The following MYO9A variants were observed in gnomAD, a reference collection of about 807,000 sequenced individuals.
The protein encoded by MYO9A is unconventional myosin-IXa.
A neutral mutation model predicts 293.3 loss-of-function variants in MYO9A; 103 were observed. The ratio of observed to expected loss-of-function variants is 0.35; its 90% CI spans 0.30 to 0.41. The LOEUF (loss-of-function observed/expected upper bound fraction) is 0.41, where lower values mean the gene tolerates loss of function less well. MYO9A is among the 10% of genes least tolerant of loss of function. The pLI is 1.00. For missense variants in MYO9A, 2,685 were observed against 3,033.0 expected, an observed-to-expected ratio of 0.89 and a Z score of 2.69; for synonymous variants, 1,001 against 1,035.7, an observed-to-expected ratio of 0.97 and a Z score of 0.64.
intron 39 of MYO9A, among the ~76,000 whole-genome samples, chr15:71,835,098 C>CT (rs2054886337): frequency 6.6e-6 from 1 of 152,076 alleles, no homozygotes; most frequent in African/African-American, 2.4e-5. Flanking sequence ...TAAAATTCAA[C>CT]ATTCTGTCAC....
intron 12 of MYO9A, among the ~76,000 whole-genome samples, chr15:71,970,735 TA>T (rs1177766862): frequency 6.6e-6 from 1 of 152,198 alleles, no homozygotes. Context: ...GAAATTACAT[TA>T]ATTGTTAAAG....
chr15:72,020,873 T>C (rs999233549), intron 5 of MYO9A, 45 bp downstream of exon 5: 4 of 1,209,726 alleles, frequency 3.3e-6, no homozygotes, highest in Admixed American at 2.9e-5. Context: ...AAGCATTAAA[T>C]TTAATACTGC....
At chr15:71,885,369 TTTTTAAAA>T (rs1278734767) in intron 27 of MYO9A, among the ~76,000 whole-genome samples, 3 of 152,136 alleles carry the variant, frequency 2.0e-5, no homozygotes, top group Non-Finnish European at 4.4e-5. Context: ...TTCTAGAGGA[TTTTTAAAA>T]TTTGCTCATG....
intron 9 of MYO9A, among the ~76,000 whole-genome samples, chr15:71,999,589 C>A (rs1254870062): frequency 6.6e-6 from 1 of 152,084 alleles, no homozygotes; most frequent in African/African-American, 2.4e-5. Context: ...CTATCTACCC[C>A]ACATTAGTAA....
At chr15:72,032,319 T>C (rs568042698) in intron 3 of MYO9A, among the ~76,000 whole-genome samples, 175 bp downstream of exon 3, 18 of 152,324 alleles carry the variant, frequency 1.2e-4, no homozygotes, top group African/African-American at 4.1e-4. Context: ...ACTGTTACAT[T>C]GGTGTTAAAA....
At chr15:72,022,051 C>T (rs1317681989) in intron 4 of MYO9A, among the ~76,000 whole-genome samples, 1 of 152,042 alleles carries the variant, frequency 6.6e-6, no homozygotes, top group Non-Finnish European at 1.5e-5. Context: ...TATTACCTGA[C>T]ATCTAAGTTA....
At chr15:71,917,551 A>G (rs2144821891) in intron 18 of MYO9A, among the ~76,000 whole-genome samples, 1 of 152,220 alleles carries the variant, frequency 6.6e-6, no homozygotes, top group African/African-American at 2.4e-5. Context: ...AAAACAAAAA[A>G]ACCAAAGCAT....
chr15:72,007,554 T>C (rs540164902), intron 8 of MYO9A, among the ~76,000 whole-genome samples: 2 of 152,254 alleles, frequency 1.3e-5, no homozygotes, highest in South Asian at 4.1e-4. Flanking sequence ...GAAATATTCA[T>C]CCTATCCAGC....
chr15:71,933,848 T>C, intron 17 of MYO9A, 139 bp from the exon 18 acceptor site: 2 of 715,454 alleles, frequency 2.8e-6, no homozygotes, highest in Non-Finnish European at 4.8e-6. Context: ...GTTCTTTATA[T>C]GAAAACACTA....
intron 18 of MYO9A, 95 bp from the exon 19 acceptor site, chr15:71,916,587 C>T (rs1035143869): frequency 3.4e-6 from 4 of 1,186,148 alleles, no homozygotes; most frequent in Non-Finnish European, 4.7e-6. Flanking sequence ...TCTATATGAC[C>T]ATTTCCCATC....
At chr15:71,827,831 A>C in intron 41 of MYO9A, 53 bp downstream of exon 41, 1 of 1,554,066 alleles carries the variant, frequency 6.4e-7, no homozygotes, top group Non-Finnish European at 8.7e-7. Context: ...TGGAATCTTT[A>C]TTCCTCCTTT....
intron 1 of MYO9A, among the ~76,000 whole-genome samples, chr15:72,101,643 G>C (rs1373766734): frequency 7.2e-6 from 1 of 138,446 alleles, no homozygotes; most frequent in Non-Finnish European, 1.6e-5. Flanking sequence ...AGGGAGGTGG[G>C]GGGGTCAGGC....
chr15:71,850,883 A>G (rs767836451), intron 37 of MYO9A, among the ~76,000 whole-genome samples: 5 of 151,420 alleles, frequency 3.3e-5, no homozygotes, highest in Non-Finnish European at 7.4e-5. Flanking sequence ...AGGGGAAGAG[A>G]CACTACTCCT....
At chr15:71,892,730 A>G in intron 26 of MYO9A, 1 of 246,114 alleles carries the variant, frequency 4.1e-6, no homozygotes, top group Non-Finnish European at 8.0e-6. Context: ...CAACATGGAA[A>G]ATTTCTACAT....
chr15:72,099,463 C>T, intron 1 of MYO9A, among the ~76,000 whole-genome samples: 1 of 148,012 alleles, frequency 6.8e-6, no homozygotes, highest in Non-Finnish European at 1.5e-5. Flanking sequence ...TTAGCCAGGT[C>T]TAGTGACACA....
At chr15:72,116,090 T>A (rs919854139) in intron 1 of MYO9A, among the ~76,000 whole-genome samples, 2 of 152,192 alleles carry the variant, frequency 1.3e-5, no homozygotes, top group African/African-American at 4.8e-5. Context: ...ATGTGTAGGT[T>A]TATATATTGG....
chr15:71,960,060 C>T lies in MYO9A; in HGVS notation c.2023G>A (p.Asp675Asn). 6.2e-7 allele frequency: 1 copy of T among 1,613,946 alleles called. No individual in the cohort carries two copies. Among genetic ancestry groups the T allele is most frequent in the Non-Finnish European group, 8.5e-7 (1 of 1,179,956 alleles). Residue 675 changes from aspartate to asparagine, a missense_variant, in exon 14 of 42, where the codon GAC becomes AAC. Asp to Asn is a conservative substitution (Grantham distance 23). Coordinates refer to ENST00000356056, the MANE Select transcript of MYO9A (RefSeq NM_006901.4). Reference protein sequence around the residue: ...REKNTDHMRPDIVALLRSSKN... With the variant: ...REKNTDHMRPNIVALLRSSKN... ...CTGCTTCTCAGAAGAGCTACAATGT[C>T]TGGGCGCATATGATCTGTATTTTTT...
rs993510782 is a variant in MYO9A at position 71,823,100 on chromosome 15, G to T, written c.*3480C>A. On this transcript the variant is annotated 3_prime_UTR_variant, in exon 42 of 42. Coordinates refer to ENST00000356056, the MANE Select transcript of MYO9A (RefSeq NM_006901.4). ...CCCGCATCCAGCTTCCCACCAAGAAGAAAAAAGAGAGGAGGATGAGGAAAG... is the reference window on the plus strand; with the variant it reads ...CCCGCATCCAGCTTCCCACCAAGAATAAAAAAGAGAGGAGGATGAGGAAAG... 6.6e-6 allele frequency: 1 copy of T among 151,774 alleles called. No homozygotes were observed. The highest frequency in any genetic ancestry group is 2.4e-5 in the African/African-American group (1 of 41,328). The allele number at this position is 151,774 out of a possible 1,614,324, so 9.4% of individuals were successfully genotyped here.
At chr15:71,962,100 G>A (rs559325770) in intron 13 of MYO9A, among the ~76,000 whole-genome samples, 1 of 152,262 alleles carries the variant, frequency 6.6e-6, no homozygotes, top group Admixed American at 6.5e-5. Context: ...AACAGAGGTT[G>A]GAGGAGCTAG....
Sources: gnomAD v4.1 joint callset for allele counts (sites outside exome capture counted in the v4.1 genomes callset) on GRCh38, gnomAD v4.1.1 for gene constraint, MANE v1.5 for transcripts, NCBI Gene and HGNC (gene_info 2026-07-23, HGNC 2026-07-21) for gene names.